The following PTPRT variants were observed in gnomAD, a reference collection of about 807,000 sequenced individuals.
The protein encoded by PTPRT is receptor-type tyrosine-protein phosphatase T.
Under a neutral mutation model 176.8 loss-of-function variants are expected in PTPRT, and 56 were observed. The ratio of observed to expected loss-of-function variants is 0.32; its 90% CI spans 0.26 to 0.40. The LOEUF is 0.40. Among genes scored for constraint, PTPRT ranks in the 10% least tolerant of loss-of-function variants. PTPRT has a pLI of 1.00. For missense variants in PTPRT, 1,540 were observed against 1,908.2 expected (o/e 0.81, Z 3.60); for synonymous variants, 783 against 739.0 (o/e 1.06, Z -0.96).
At chr20:42,974,131 AC>A (rs1478694973) in intron 1 of PTPRT, among the ~76,000 whole-genome samples, 2 of 152,190 alleles carry the variant, frequency 1.3e-5, no homozygotes. Context: ...AGCAGATGCT[AC>A]CCCAGCTGAA....
chr20:42,583,259 G>A (rs538141626), intron 7 of PTPRT, among the ~76,000 whole-genome samples: 3 of 152,208 alleles, frequency 2.0e-5, no homozygotes, highest in Admixed American at 6.5e-5. Flanking sequence ...AAAATCAAAC[G>A]CATACTTGGT....
At chr20:42,041,943 T>C in the PTPRT span, among the ~76,000 whole-genome samples, 3 of 152,174 alleles carry the variant, frequency 2.0e-5, no homozygotes, top group Non-Finnish European at 4.4e-5. Context: ...ATTAAATAAA[T>C]TCACCCTGCC....
Position 42,809,879 on chromosome 20 carries a change from G to A in PTPRT, c.215-18413C>T, listed in dbSNP as rs569666130. Among the ~76,000 whole-genome samples, 5 of 152,186 alleles carry A rather than the reference G, an allele frequency of 3.3e-5. No homozygotes were observed. In the East Asian group the frequency reaches 9.7e-4, roughly 29 times the overall value. On this transcript the variant is annotated intron_variant, in intron 2 of 30. Coordinates refer to ENST00000373187, the MANE Select transcript of PTPRT (RefSeq NM_007050.6). ...TTTCTACATAAGGTCACAGTCACAAGTTCCAGGAATTACACCTTGCACAAT... is the reference window on the plus strand; with the variant it reads ...TTTCTACATAAGGTCACAGTCACAAATTCCAGGAATTACACCTTGCACAAT...
Position 42,084,739 on chromosome 20 carries a change from AGTC to A in PTPRT, c.4076_4078del (p.Arg1359del). 1 of 1,569,044 alleles carries A rather than the reference AGTC, an allele frequency of 6.4e-7. No individual in the cohort carries two copies. The highest frequency in any genetic ancestry group is 8.7e-7 in the Non-Finnish European group (1 of 1,154,576). Reference sequence around the variant, plus strand: ...GTCATACTGCTCCTGCCACTTCTCCAGTCGTCGGACCACTTTGAGCAGAGAGCG... The same window carrying A: ...GTCATACTGCTCCTGCCACTTCTCCAGTCGGACCACTTTGAGCAGAGAGCG... On this transcript the variant is annotated inframe_deletion, in exon 29 of 31. Transcript: ENST00000373187.
chr20:43,092,758 ATG>A (rs2011937819), intron 1 of PTPRT, among the ~76,000 whole-genome samples: 1 of 152,126 alleles, frequency 6.6e-6, no homozygotes, highest in Non-Finnish European at 1.5e-5. Context: ...TTCCATTTCC[ATG>A]GGTTGCCAAA....
intron 2 of PTPRT, among the ~76,000 whole-genome samples, chr20:42,856,325 GC>G (rs1213121385): frequency 6.6e-6 from 1 of 152,048 alleles, no homozygotes; most frequent in Non-Finnish European, 1.5e-5. Context: ...TCAGGTAACT[GC>G]CCCCACTGAT....
chr20:43,089,956 C>T (rs4450678), intron 1 of PTPRT, among the ~76,000 whole-genome samples: 70,837 of 152,066 alleles, frequency 0.47, 16,912 homozygotes, highest in East Asian at 0.69. Flanking sequence ...AGGAGCAGCA[C>T]AACTTGCCTG....
At chr20:42,845,660 T>A (rs538038660) in intron 2 of PTPRT, among the ~76,000 whole-genome samples, 1 of 152,218 alleles carries the variant, frequency 6.6e-6, no homozygotes, top group Non-Finnish European at 1.5e-5. Flanking sequence ...GAGAACTCCC[T>A]GGGTATGAGC....
chr20:42,694,536 A>C (rs1185249391), intron 6 of PTPRT, among the ~76,000 whole-genome samples: 1 of 152,216 alleles, frequency 6.6e-6, no homozygotes, highest in African/African-American at 2.4e-5. Flanking sequence ...TTGTGTGAAC[A>C]TAAGTTTTCA....
rs1216580660 is a variant in PTPRT at position 43,133,744 on chromosome 20, T to C, written c.88+55902A>G. Among the ~76,000 whole-genome samples, 15 of 39,518 alleles carry C rather than the reference T, an allele frequency of 3.8e-4. No homozygotes were observed. In the Admixed American group the frequency reaches 4.9e-3, roughly 13 times the overall value. 25.9% of individuals were successfully genotyped at this position (39,518 alleles called of 152,430 possible). ...GCCTGGGCAACAGAGCGAGACTCTG[T>C]CTCAAAAAAAAAAAAAAAAAATAGT... On this transcript the variant is annotated intron_variant, in intron 1 of 30. Transcript: ENST00000373187.
intron 5 of PTPRT, among the ~76,000 whole-genome samples, chr20:42,760,155 C>T (rs1270768876): frequency 6.6e-6 from 1 of 152,122 alleles, no homozygotes; most frequent in Non-Finnish European, 1.5e-5. Flanking sequence ...CGGAGGGCAG[C>T]TCTCTGGGAA....
chr20:42,449,957 TA>T lies in PTPRT; in HGVS notation c.1451-1629del, dbSNP rs1425623471. 9.2e-5 allele frequency among the ~76,000 whole-genome samples: 14 copies of T among 152,298 alleles called. No homozygotes were observed. In the East Asian group the frequency reaches 2.3e-3, roughly 25 times the overall value. On this transcript the variant is annotated intron_variant, in intron 8 of 30. Transcript: ENST00000373187. ...AAAAAAAGATATGCCTATGCATATATATATTTTTTATTTTTAAAAAAATGTT... is the reference window on the plus strand; with the variant it reads ...AAAAAAAGATATGCCTATGCATATATTATTTTTTATTTTTAAAAAAATGTT...
chr20:42,485,684 A>G (rs1568921409), intron 7 of PTPRT, among the ~76,000 whole-genome samples: 1 of 151,978 alleles, frequency 6.6e-6, no homozygotes, highest in Non-Finnish European at 1.5e-5. Flanking sequence ...CAACTCCCCC[A>G]TCCCAGGACA....
At chr20:42,775,973 A>G (rs2145482143) in intron 4 of PTPRT, among the ~76,000 whole-genome samples, 1 of 152,294 alleles carries the variant, frequency 6.6e-6, no homozygotes, top group South Asian at 2.1e-4. Flanking sequence ...AGTCTAAAGG[A>G]GAGTTCAGAA....
chr20:42,275,777 G>A (rs2057018734), intron 13 of PTPRT, among the ~76,000 whole-genome samples: 1 of 152,110 alleles, frequency 6.6e-6, no homozygotes, highest in Admixed American at 6.5e-5. Flanking sequence ...TTTTTCCATT[G>A]ACATTTTAGG....
the PTPRT span, among the ~76,000 whole-genome samples, chr20:42,057,445 A>G: frequency 6.6e-6 from 1 of 152,206 alleles, no homozygotes; most frequent in African/African-American, 2.4e-5. Flanking sequence ...TTTGTGAGCC[A>G]TACTGTTGAC....
intron 1 of PTPRT, among the ~76,000 whole-genome samples, chr20:43,183,741 G>A (rs145032294): frequency 4.6e-5 from 7 of 152,326 alleles, no homozygotes; most frequent in Admixed American, 3.3e-4. Flanking sequence ...CTGGTCTGCT[G>A]TCTGTCTCCA....
intron 1 of PTPRT, among the ~76,000 whole-genome samples, chr20:43,096,580 G>A (rs2012178722): frequency 6.6e-6 from 1 of 152,154 alleles, no homozygotes; most frequent in African/African-American, 2.4e-5. Flanking sequence ...AGCTCAGCAG[G>A]CTCCCGCCCC....
chr20:42,750,843 A>G (rs2076759934), intron 6 of PTPRT, among the ~76,000 whole-genome samples: 1 of 152,220 alleles, frequency 6.6e-6, no homozygotes, highest in Non-Finnish European at 1.5e-5. Flanking sequence ...CAAATGAATA[A>G]GCATTTGCTG....
Sources: allele counts gnomAD v4.1 joint callset (sites outside exome capture counted in the v4.1 genomes callset), GRCh38; gene constraint gnomAD v4.1.1; transcripts MANE v1.5; gene names NCBI Gene and HGNC (gene_info 2026-07-23, HGNC 2026-07-21).